Variants in ANKRD27 observed in about 807,000 individuals in gnomAD.
ANKRD27 encodes the protein ankyrin repeat domain-containing protein 27.
Under a neutral mutation model 129.7 loss-of-function variants are expected in ANKRD27, and 112 were observed. The ratio of observed to expected loss-of-function variants is 0.86; its 90% CI spans 0.74 to 1.01. ANKRD27 has a LOEUF of 1.01. Ranked by LOEUF, ANKRD27 falls within the 50% of genes least tolerant of loss-of-function variation. The probability of loss-of-function intolerance (pLI) is 0.00; values close to 1 mark genes in which losing one functional copy is unlikely to be tolerated. For missense variants in ANKRD27, 1,258 were observed against 1,300.5 expected, an observed-to-expected ratio of 0.97 and a Z score of 0.50; for synonymous variants, 516 against 511.2, an observed-to-expected ratio of 1.01 and a Z score of -0.13.
At chr19:32,668,782 G>C (rs1482555741) in intron 1 of ANKRD27, among the ~76,000 whole-genome samples, 2 of 151,340 alleles carry the variant, frequency 1.3e-5, no homozygotes, top group African/African-American at 4.9e-5. Flanking sequence ...ATGGGGTCTC[G>C]CTACATTGCC....
At chr19:32,669,931 G>A (rs1402886559) in intron 1 of ANKRD27, among the ~76,000 whole-genome samples, 2 of 151,528 alleles carry the variant, frequency 1.3e-5, no homozygotes, top group Admixed American at 6.6e-5. Flanking sequence ...AAGAAGTGGA[G>A]GTTGCAGCGA....
At chr19:32,611,867 C>A (rs1369408832) in intron 22 of ANKRD27, among the ~76,000 whole-genome samples, 2 of 152,218 alleles carry the variant, frequency 1.3e-5, no homozygotes, top group Non-Finnish European at 2.9e-5. Flanking sequence ...AGGCGTGAGC[C>A]ATCGTGCCCG....
intron 13 of ANKRD27, among the ~76,000 whole-genome samples, chr19:32,629,311 A>AC (rs1966948132): frequency 6.6e-6 from 1 of 152,132 alleles, no homozygotes; most frequent in Non-Finnish European, 1.5e-5. Flanking sequence ...GGTGGTAGGG[A>AC]AAGTAGGTGA....
chr19:32,627,705 T>C (rs1966914977), intron 15 of ANKRD27, among the ~76,000 whole-genome samples: 1 of 152,184 alleles, frequency 6.6e-6, no homozygotes, highest in South Asian at 2.1e-4. Flanking sequence ...GCCAAATGTA[T>C]ACTTTAAAAG....
At chr19:32,631,887 ATC>A (rs1413489370) in intron 12 of ANKRD27, among the ~76,000 whole-genome samples, 1 of 152,238 alleles carries the variant, frequency 6.6e-6, no homozygotes, top group Non-Finnish European at 1.5e-5. Flanking sequence ...CTGCTGTCTT[ATC>A]TGAGGCCTTT....
chr19:32,642,180 C>G, intron 9 of ANKRD27, 35 bp from the exon 10 acceptor site: 1 of 1,551,532 alleles, frequency 6.4e-7, no homozygotes, highest in Non-Finnish European at 8.8e-7. Context: ...AACTTCAGAG[C>G]ACAGTAAGAG....
chr19:32,626,029 A>G (rs1281080427), intron 16 of ANKRD27, 63 bp from the exon 17 acceptor site: 2 of 1,383,502 alleles, frequency 1.4e-6, no homozygotes, highest in African/African-American at 1.4e-5. Flanking sequence ...CCCGGCCTCC[A>G]GTCTTAGCAG....
At chr19:32,645,267 C>T (rs539492936) in intron 4 of ANKRD27, among the ~76,000 whole-genome samples, 1 of 152,072 alleles carries the variant, frequency 6.6e-6, no homozygotes, top group African/African-American at 2.4e-5. Flanking sequence ...AAAAAATTAG[C>T]TGGGTGTGGT....
intron 12 of ANKRD27, among the ~76,000 whole-genome samples, chr19:32,632,771 GA>G (rs1328570969): frequency 6.6e-6 from 1 of 152,088 alleles, no homozygotes; most frequent in Non-Finnish European, 1.5e-5. Flanking sequence ...GCGGCTGCCA[GA>G]AAACCCCCAA....
chr19:32,625,739 C>G, intron 17 of ANKRD27, 135 bp downstream of exon 17: 1 of 734,408 alleles, frequency 1.4e-6, no homozygotes, highest in Non-Finnish European at 2.0e-6. Flanking sequence ...GCCTAACATT[C>G]TTTCATATTA....
At chr19:32,630,649 A>G (rs1254413834) in intron 13 of ANKRD27, among the ~76,000 whole-genome samples, 1 of 152,102 alleles carries the variant, frequency 6.6e-6, no homozygotes, top group Non-Finnish European at 1.5e-5. Context: ...AGGTGGGGAA[A>G]CATGCCGCTC....
intron 5 of ANKRD27, among the ~76,000 whole-genome samples, chr19:32,644,023 T>C (rs917707571): frequency 6.6e-6 from 1 of 152,002 alleles, no homozygotes; most frequent in African/African-American, 2.4e-5. Flanking sequence ...TACACGTGCA[T>C]GCCACCATGC....
chr19:32,640,947 G>A (rs1267273791), intron 10 of ANKRD27, among the ~76,000 whole-genome samples: 1 of 152,062 alleles, frequency 6.6e-6, no homozygotes, highest in East Asian at 1.9e-4. Flanking sequence ...CACCCAGACT[G>A]GAGTGCAGTG....
intron 22 of ANKRD27, among the ~76,000 whole-genome samples, chr19:32,612,909 A>G (rs899724268): frequency 6.6e-6 from 1 of 152,230 alleles, no homozygotes; most frequent in South Asian, 2.1e-4. Context: ...ACTTGACACC[A>G]AAAGTATAAT....
intron 17 of ANKRD27, among the ~76,000 whole-genome samples, chr19:32,624,366 CAAAAAAAAAA>C (rs546163855): frequency 1.4e-5 from 1 of 72,766 alleles, no homozygotes; most frequent in South Asian, 3.9e-4. Context: ...GACTCCGTCT[CAAAAAAAAAA>C]AAAAAAAGAA....
At chr19:32,606,060 A>G in intron 23 of ANKRD27, 106 bp from the exon 24 acceptor site, 5 of 1,081,912 alleles carry the variant, frequency 4.6e-6, no homozygotes, top group Non-Finnish European at 6.2e-6. Context: ...ATAAGAAAAC[A>G]AAGTTTCTGG....
intron 12 of ANKRD27, among the ~76,000 whole-genome samples, chr19:32,636,763 T>G (rs1455822588): frequency 2.0e-5 from 3 of 150,778 alleles, no homozygotes; most frequent in Non-Finnish European, 4.4e-5. Flanking sequence ...TATACACATA[T>G]TTGAGACAGA....
At chr19:32,668,616 G>C (rs893978286) in intron 1 of ANKRD27, among the ~76,000 whole-genome samples, 71 of 151,464 alleles carry the variant, frequency 4.7e-4, no homozygotes, top group African/African-American at 1.7e-3. Flanking sequence ...GGGACTACAG[G>C]CATGAGCCAC....
intron 1 of ANKRD27, among the ~76,000 whole-genome samples, chr19:32,668,482 T>TC (rs1450676875): frequency 6.6e-6 from 1 of 151,658 alleles, no homozygotes. Context: ...CATCTTTTTT[T>TC]TTTTTTTTTG....
Sources: allele counts gnomAD v4.1 joint callset (sites outside exome capture counted in the v4.1 genomes callset), GRCh38; gene constraint gnomAD v4.1.1; transcripts MANE v1.5; gene names NCBI Gene and HGNC (gene_info 2026-07-23, HGNC 2026-07-21).